Variants in CNTNAP4 observed in about 807,000 individuals in gnomAD.
CNTNAP4 encodes contactin-associated protein-like 4.
CNTNAP4 carries 98 observed loss-of-function variants against 148.4 expected under a neutral mutation model. The ratio of observed to expected loss-of-function variants is 0.66; its 90% CI spans 0.56 to 0.78. CNTNAP4 has a LOEUF of 0.78. Ranked by LOEUF, CNTNAP4 falls within the 30% of genes least tolerant of loss-of-function variation. CNTNAP4 has a pLI of 0.00. For missense variants in CNTNAP4, 1,935 were observed against 1,565.6 expected, an observed-to-expected ratio of 1.24 and a Z score of -3.98; for synonymous variants, 730 against 565.1, an observed-to-expected ratio of 1.29 and a Z score of -4.14.
intron 2 of CNTNAP4, among the ~76,000 whole-genome samples, chr16:76,333,645 T>G (rs1042878305): frequency 6.6e-6 from 1 of 152,090 alleles, no homozygotes; most frequent in African/African-American, 2.4e-5. Context: ...TCTACATTCC[T>G]TTTTTTGCAT....
Position 76,521,252 on chromosome 16 carries a change from A to G in CNTNAP4, c.2478A>G (p.Ser826=), listed in dbSNP as rs1206575481. 1 of 1,612,846 alleles carries G rather than the reference A, an allele frequency of 6.2e-7. No individual in the cohort carries two copies. Among genetic ancestry groups the G allele is most frequent in the Admixed American group, 1.7e-5 (1 of 59,922 alleles). Residue 826 remains serine (S), a synonymous_variant, in exon 16 of 24, where the codon TCA becomes TCG. Coordinates refer to ENST00000611870, the MANE Select transcript of CNTNAP4 (RefSeq NM_033401.5). ...DVSFFFKTTA[S]SGVFLENLGI... is the part of the protein sequence containing the mutation. ...CTTTCTTTTTTAAGACAACAGCTTC[A>G]TCTGGGGTATTTTTAGAGAACTTGG...
At chr16:76,350,417 C>A (rs966337937) in intron 2 of CNTNAP4, among the ~76,000 whole-genome samples, 1 of 151,994 alleles carries the variant, frequency 6.6e-6, no homozygotes, top group Admixed American at 6.6e-5. Context: ...GTTAATACAA[C>A]GTATACAATT....
chr16:76,494,385 A>C lies in CNTNAP4; in HGVS notation c.2081-525A>C, dbSNP rs561162970. Among the ~76,000 whole-genome samples, 49 of 152,322 alleles carry C rather than the reference A, an allele frequency of 3.2e-4. No individual in the cohort carries two copies. In the South Asian group the frequency reaches 9.9e-3, roughly 31 times the overall value. ...AATATATACTTCCAAATAAATCTTA[A>C]ATCATGACAAGGGAGTGCCAAATCA... On this transcript the variant is annotated intron_variant, in intron 13 of 23. Transcript: ENST00000611870.
At chr16:76,326,492 T>C (rs867122845) in intron 2 of CNTNAP4, among the ~76,000 whole-genome samples, 2 of 152,260 alleles carry the variant, frequency 1.3e-5, no homozygotes, top group Non-Finnish European at 2.9e-5. Context: ...TAAAGACACA[T>C]GCACATGTAT....
intron 3 of CNTNAP4, among the ~76,000 whole-genome samples, chr16:76,358,692 T>TA (rs1269595888): frequency 6.6e-6 from 1 of 152,194 alleles, no homozygotes; most frequent in Admixed American, 6.5e-5. Flanking sequence ...GACTGGAAGA[T>TA]AATGTTGGAT....
At position 76,526,573 on chromosome 16, in the gene CNTNAP4, A is replaced by G. The variant is rs1415116176; in HGVS notation, c.2755+4316A>G. 2.6e-5 allele frequency among the ~76,000 whole-genome samples: 4 copies of G among 152,188 alleles called. No homozygotes were observed. In the East Asian group the frequency reaches 7.7e-4, roughly 29 times the overall value. On this transcript the variant is annotated intron_variant, in intron 17 of 23. Coordinates refer to ENST00000611870, the MANE Select transcript of CNTNAP4 (RefSeq NM_033401.5). ...CACCCAACTTGCTAATGAATTGGTC[A>G]TTGATGTTAGTGTTTTACCACTTAT...
intron 1 of CNTNAP4, among the ~76,000 whole-genome samples, chr16:76,278,808 C>T (rs1362684513): frequency 6.6e-6 from 1 of 152,176 alleles, no homozygotes; most frequent in Non-Finnish European, 1.5e-5. Context: ...TATCACTTGA[C>T]TATGTTAAGA....
rs893967859 is a variant in CNTNAP4 at position 76,518,530 on chromosome 16, T to C, written c.2366-2610T>C. Among the ~76,000 whole-genome samples the C allele has an allele frequency of 2.0e-5, 3 of 152,262 alleles. No homozygotes were observed. The South Asian group carries it at 6.2e-4, about 32-fold the overall frequency. On this transcript the variant is annotated intron_variant, in intron 15 of 23. Coordinates refer to ENST00000611870, the MANE Select transcript of CNTNAP4 (RefSeq NM_033401.5). ...TACTTTTTTATGATTGTTATTTAAATTTTTTTCTAGATACATAATACTTAT... is the reference window on the plus strand; with the variant it reads ...TACTTTTTTATGATTGTTATTTAAACTTTTTTCTAGATACATAATACTTAT...
chr16:76,556,373 T>TTC (rs1439767096), intron 23 of CNTNAP4, among the ~76,000 whole-genome samples: 1 of 152,170 alleles, frequency 6.6e-6, no homozygotes, highest in African/African-American at 2.4e-5. Flanking sequence ...TTTTTATATT[T>TTC]TTGGTATAAC....
intron 4 of CNTNAP4, among the ~76,000 whole-genome samples, chr16:76,441,188 C>G (rs2080024384): frequency 6.6e-6 from 1 of 151,962 alleles, no homozygotes; most frequent in Non-Finnish European, 1.5e-5. Flanking sequence ...TGTGTCTTCC[C>G]CAATTGACTA....
chr16:76,484,423 A>G (rs1050749324), intron 12 of CNTNAP4, among the ~76,000 whole-genome samples: 18 of 152,214 alleles, frequency 1.2e-4, no homozygotes, highest in African/African-American at 4.3e-4. Context: ...AGAAACACAG[A>G]TACCCAGAGA....
intron 1 of CNTNAP4, among the ~76,000 whole-genome samples, chr16:76,313,082 CCATATTA>C (rs751594208): frequency 8.5e-5 from 13 of 152,220 alleles, no homozygotes; most frequent in Non-Finnish European, 1.2e-4. Flanking sequence ...CTTCTGTTTT[CCATATTA>C]CATGTCTTTC....
chr16:76,340,091 G>A (rs759983319), intron 2 of CNTNAP4, among the ~76,000 whole-genome samples: 1 of 152,102 alleles, frequency 6.6e-6, no homozygotes, highest in Non-Finnish European at 1.5e-5. Context: ...GATTGGGCTT[G>A]TGTTACATGC....
At chr16:76,535,468 C>G in intron 17 of CNTNAP4, 77 bp from the exon 18 acceptor site, 3 of 1,505,126 alleles carry the variant, frequency 2.0e-6, no homozygotes, top group Non-Finnish European at 2.7e-6. Context: ...CTCTGTAAGG[C>G]CTCAGTTTTG....
chr16:76,356,108 C>A (rs557394331), intron 3 of CNTNAP4, among the ~76,000 whole-genome samples: 28 of 152,076 alleles, frequency 1.8e-4, no homozygotes, highest in African/African-American at 6.5e-4. Context: ...CTCCTGGCCT[C>A]AAGCAGTCCA....
intron 1 of CNTNAP4, among the ~76,000 whole-genome samples, chr16:76,312,520 A>C (rs919689243): frequency 1.3e-5 from 2 of 152,186 alleles, no homozygotes; most frequent in East Asian, 3.9e-4. Flanking sequence ...ACTGATTATT[A>C]CTGTTTGAGG....
rs562660124 is a variant in CNTNAP4, at chr16:76,511,880, A to T, written c.2366-9260A>T. On this transcript the variant is annotated intron_variant, in intron 15 of 23. Coordinates refer to ENST00000611870, the MANE Select transcript of CNTNAP4 (RefSeq NM_033401.5). ...GAGAGAGACAATAATCAATTGAAAT[A>T]TGTGGTACAGTAGAAGCTGGTAAGA... is the stretch of plus-strand genomic sequence containing the variant. Among the ~76,000 whole-genome samples, 5 of 151,756 alleles carry T rather than the reference A, an allele frequency of 3.3e-5. No individual in the cohort carries two copies. The East Asian group carries it at 9.7e-4, about 29-fold the overall frequency.
intron 1 of CNTNAP4, among the ~76,000 whole-genome samples, chr16:76,299,376 C>T (rs1020545463): frequency 3.3e-5 from 5 of 152,160 alleles, no homozygotes; most frequent in South Asian, 2.1e-4. Flanking sequence ...TTTATGCAGC[C>T]GACAGACACA....
intron 2 of CNTNAP4, among the ~76,000 whole-genome samples, chr16:76,344,883 C>T (rs547340415): frequency 6.0e-4 from 92 of 152,302 alleles, no homozygotes; most frequent in African/African-American, 2.2e-3. Context: ...ATAATGTACT[C>T]ATATGATGTC....
Sources: gnomAD v4.1 joint callset for allele counts (sites outside exome capture counted in the v4.1 genomes callset) on GRCh38, gnomAD v4.1.1 for gene constraint, MANE v1.5 for transcripts, NCBI Gene and HGNC (gene_info 2026-07-23, HGNC 2026-07-21) for gene names.